CCDC50: variants seen among roughly 807,000 people sequenced by gnomAD.
CCDC50 encodes the protein coiled-coil domain containing 50.
Under a neutral mutation model 70.2 loss-of-function variants are expected in CCDC50, and 54 were observed. The observed-to-expected ratio is 0.77, with a 90% CI of 0.62 to 0.96. CCDC50 has a LOEUF of 0.96. Ranked by LOEUF, CCDC50 falls within the 50% of genes least tolerant of loss-of-function variation. The probability of loss-of-function intolerance (pLI) is 0.00; values close to 1 mark genes in which losing one functional copy is unlikely to be tolerated. For missense variants in CCDC50, 558 were observed against 578.7 expected (o/e 0.96, Z 0.37); for synonymous variants, 216 against 198.8 (o/e 1.09, Z -0.73).
chr3:191,363,091 C>G (rs567453495), intron 4 of CCDC50, among the ~76,000 whole-genome samples: 13 of 149,044 alleles, frequency 8.7e-5, no homozygotes, highest in Non-Finnish European at 1.3e-4. Flanking sequence ...TTTTTTTCTC[C>G]GTTTAGAGAA....
chr3:191,396,628 A>T lies in CCDC50; in HGVS notation c.*4868A>T, dbSNP rs754552421. Reference sequence around the variant, plus strand: ...AAGAATTTCACCAACACCCTTGTGTATTGAAATGCTTAACCATTAACAGGG... The same window carrying T: ...AAGAATTTCACCAACACCCTTGTGTTTTGAAATGCTTAACCATTAACAGGG... On this transcript the variant is annotated 3_prime_UTR_variant, in exon 12 of 12. Coordinates refer to ENST00000392455, the MANE Select transcript of CCDC50 (RefSeq NM_178335.3). 3.3e-5 allele frequency: 5 copies of T among 152,242 alleles called. No homozygotes were observed. Among genetic ancestry groups the T allele is most frequent in the Non-Finnish European group, 7.3e-5 (5 of 68,030 alleles). 9.4% of individuals were successfully genotyped at this position (152,242 alleles called of 1,614,324 possible).
intron 11 of CCDC50, among the ~76,000 whole-genome samples, chr3:191,389,853 CT>C (rs10635756): frequency 3.2e-3 from 274 of 84,594 alleles, no homozygotes; most frequent in Non-Finnish European, 3.9e-3. Flanking sequence ...ATCAAATTCA[CT>C]TTTTTTTTTT....
intron 6 of CCDC50, among the ~76,000 whole-genome samples, chr3:191,379,385 C>A (rs1477392420): frequency 6.6e-6 from 1 of 152,012 alleles, no homozygotes; most frequent in Non-Finnish European, 1.5e-5. Flanking sequence ...TGAACTATTT[C>A]AGATAAGTAA....
intron 10 of CCDC50, among the ~76,000 whole-genome samples, chr3:191,388,901 TTAGAG>T (rs201579248): frequency 0.011 from 1,632 of 149,990 alleles, 28 homozygotes; most frequent in African/African-American, 0.038. Flanking sequence ...AATAAAAAGT[TTAGAG>T]TAGTAAAAAT....
At chr3:191,330,579 G>C (rs1181462633) in intron 1 of CCDC50, 1 of 152,228 alleles carries the variant, frequency 6.6e-6, no homozygotes, top group African/African-American at 2.4e-5. Context: ...AGACGTTCCA[G>C]AGTGCTGACG....
chr3:191,386,216 ATTTT>A (rs76983981), intron 10 of CCDC50, among the ~76,000 whole-genome samples: 2 of 125,734 alleles, frequency 1.6e-5, no homozygotes, highest in African/African-American at 7.4e-5. Flanking sequence ...TAGTATGGGC[ATTTT>A]TTTTTTTTTT....
At chr3:191,345,080 T>G (rs1711866258) in intron 1 of CCDC50, among the ~76,000 whole-genome samples, 3 of 152,164 alleles carry the variant, frequency 2.0e-5, no homozygotes, top group Admixed American at 2.0e-4. Context: ...ATGTCCTGAT[T>G]GAGCTCATTT....
intron 7 of CCDC50, 69 bp from the exon 8 acceptor site, chr3:191,380,618 A>T: frequency 1.4e-6 from 2 of 1,440,634 alleles, no homozygotes; most frequent in Non-Finnish European, 9.6e-7. Flanking sequence ...CTTATTTTGT[A>T]CAAGATACTG....
At chr3:191,364,790 G>A (rs966817595) in intron 4 of CCDC50, among the ~76,000 whole-genome samples, 8 of 151,466 alleles carry the variant, frequency 5.3e-5, no homozygotes, top group African/African-American at 1.7e-4. Context: ...TTTTTTTTTC[G>A]GTCTTTCTAG....
intron 1 of CCDC50, among the ~76,000 whole-genome samples, chr3:191,335,567 T>G (rs1312045122): frequency 6.6e-6 from 1 of 152,148 alleles, no homozygotes. Flanking sequence ...TTAAAAGGAC[T>G]GTTAAGCAGA....
chr3:191,346,301 C>G (rs556000932), intron 1 of CCDC50, among the ~76,000 whole-genome samples: 3 of 152,244 alleles, frequency 2.0e-5, no homozygotes, highest in Admixed American at 6.5e-5. Context: ...GATTCGCCTT[C>G]ATGGAAGATG....
chr3:191,382,603 A>G lies in CCDC50; in HGVS notation c.1243-143A>G, dbSNP rs570677268. ...TATATAAAAATATTTTATGTTCCTC[A>G]ATTAAATATAATTAATCTGAAATTA... On this transcript the variant is annotated intron_variant, in intron 9 of 11. Coordinates refer to ENST00000392455, the MANE Select transcript of CCDC50 (RefSeq NM_178335.3). The G allele has an allele frequency of 3.0e-4, 188 of 621,728 alleles. No homozygotes were observed. The African/African-American group carries it at 3.3e-3, about 11-fold the overall frequency. The allele number at this position is 621,728 out of a possible 1,614,324, so 38.5% of individuals were successfully genotyped here. A position where few individuals can be genotyped will look rare whatever the true frequency, so the allele number is the denominator to read the frequency against.
At chr3:191,338,201 A>G (rs1201785215) in intron 1 of CCDC50, among the ~76,000 whole-genome samples, 2 of 152,198 alleles carry the variant, frequency 1.3e-5, no homozygotes, top group African/African-American at 4.8e-5. Context: ...TTGACTATGG[A>G]GGAGTCCATG....
chr3:191,361,265 A>G (rs1287544856), intron 4 of CCDC50, 106 bp downstream of exon 4: 1 of 777,202 alleles, frequency 1.3e-6, no homozygotes, highest in African/African-American at 1.7e-5. Flanking sequence ...TCTGAATGGG[A>G]AGCAGAATGC....
intron 10 of CCDC50, among the ~76,000 whole-genome samples, chr3:191,383,648 T>C (rs113102222): frequency 1.1e-3 from 162 of 152,324 alleles, no homozygotes; most frequent in African/African-American, 3.5e-3. Flanking sequence ...CTGAAGCTCC[T>C]AGACTTGTTT....
chr3:191,381,835 T>C (rs1029948156), intron 9 of CCDC50, among the ~76,000 whole-genome samples: 1 of 152,092 alleles, frequency 6.6e-6, no homozygotes, highest in Admixed American at 6.6e-5. Context: ...AATTCCTCCA[T>C]TGGGTTTCTG....
intron 5 of CCDC50, among the ~76,000 whole-genome samples, chr3:191,370,849 A>G (rs1460021292): frequency 6.6e-6 from 1 of 152,066 alleles, no homozygotes; most frequent in Non-Finnish European, 1.5e-5. Flanking sequence ...TTTGAATATG[A>G]TTTTATGAGA....
chr3:191,382,048 T>C (rs768259306), intron 9 of CCDC50, among the ~76,000 whole-genome samples: 16 of 152,148 alleles, frequency 1.1e-4, no homozygotes, highest in Non-Finnish European at 2.1e-4. Flanking sequence ...TATACTGTTT[T>C]AGTCAAGGAT....
At position 191,398,604 on chromosome 3, in the gene CCDC50, T is replaced by TA. The variant is rs1713937411; in HGVS notation, c.*6846dup. The TA allele has an allele frequency of 1.3e-5, 2 of 152,350 alleles. No homozygotes were observed. Among genetic ancestry groups the TA allele is most frequent in the Non-Finnish European group, 2.9e-5 (2 of 68,034 alleles). 9.4% of individuals were successfully genotyped at this position (152,350 alleles called of 1,614,324 possible). On this transcript the variant is annotated 3_prime_UTR_variant, in exon 12 of 12. Coordinates refer to ENST00000392455, the MANE Select transcript of CCDC50 (RefSeq NM_178335.3). ...TCCATACACTTTCTGTAAATATGTA[T>TA]AACATGATAATGATGCCTGGTGTAT...
Sources: gnomAD v4.1 joint callset for allele counts (sites outside exome capture counted in the v4.1 genomes callset) on GRCh38, gnomAD v4.1.1 for gene constraint, MANE v1.5 for transcripts, NCBI Gene and HGNC (gene_info 2026-07-23, HGNC 2026-07-21) for gene names.